SLC7A8: variants seen among roughly 807,000 people sequenced by gnomAD.
SLC7A8 encodes the protein large neutral amino acids transporter small subunit 2.
Under a neutral mutation model 51.2 loss-of-function variants are expected in SLC7A8, and 30 were observed. The observed-to-expected ratio is 0.59, with a 90% confidence interval of 0.44 to 0.80. The LOEUF (loss-of-function observed/expected upper bound fraction) is 0.80. SLC7A8 is among the 30% of genes least tolerant of loss of function. The pLI, the probability that SLC7A8 is intolerant of heterozygous loss-of-function variation, is 0.00. For missense variants in SLC7A8, 612 were observed against 674.4 expected (o/e 0.91, Z 1.03); for synonymous variants, 257 against 275.8 (o/e 0.93, Z 0.67).
intron 7 of SLC7A8, among the ~76,000 whole-genome samples, chr14:23,133,353 A>T (rs2048657995): frequency 6.7e-6 from 1 of 149,422 alleles, no homozygotes. Flanking sequence ...AGGTGACAGG[A>T]TCACATGAGC....
At chr14:23,176,713 G>A (rs757817272) in intron 1 of SLC7A8, among the ~76,000 whole-genome samples, 1 of 152,030 alleles carries the variant, frequency 6.6e-6, no homozygotes, top group Non-Finnish European at 1.5e-5. Context: ...AGGCCAAGGC[G>A]GGCAGATCAC....
intron 7 of SLC7A8, 29 bp downstream of exon 7, chr14:23,137,892 G>A (rs1217372872): frequency 2.5e-6 from 4 of 1,609,124 alleles, no homozygotes; most frequent in Non-Finnish European, 3.4e-6. Flanking sequence ...AGTGGCCCCT[G>A]GCCGGGGAAG....
intron 3 of SLC7A8, among the ~76,000 whole-genome samples, chr14:23,148,991 G>A (rs935430349): frequency 1.3e-5 from 2 of 152,192 alleles, no homozygotes; most frequent in African/African-American, 4.8e-5. Context: ...ACAGCAGCCA[G>A]GCAACACACA....
intron 1 of SLC7A8, among the ~76,000 whole-genome samples, chr14:23,180,674 T>C (rs765627297): frequency 6.6e-6 from 1 of 152,294 alleles, no homozygotes; most frequent in East Asian, 1.9e-4. Flanking sequence ...GACAAATCAG[T>C]AGTAACATAT....
intron 10 of SLC7A8, 121 bp from the exon 11 acceptor site, chr14:23,127,464 C>G (rs551453414): frequency 8.5e-7 from 1 of 1,175,272 alleles, no homozygotes; most frequent in Admixed American, 2.3e-5. Context: ...GCAGTCAGTG[C>G]GTTGAAGAGA....
Position 23,137,948 on chromosome 14 carries a change from A to T in SLC7A8, c.989T>A (p.Val330Asp). The T allele has an allele frequency of 1.2e-6, 2 of 1,613,408 alleles. No homozygotes were observed. Among genetic ancestry groups the T allele is most frequent in the Non-Finnish European group, 1.7e-6 (2 of 1,179,838 alleles). The stretch of plus-strand genomic sequence containing the variant: ...AGAGGAGGTGAAGAGAGACCCATTA[A>T]CTCCTCCAAATGTGGACAGGGCAAC... ...ISVALSTFGG[V>D]NGSLFTSSRL... Residue 330 changes from valine to aspartate, a missense_variant, in exon 7 of 11, where the codon GTT becomes GAT. By Grantham distance (152) the Val-to-Asp change is radical. Transcript: ENST00000316902.
In SLC7A8 at chr14:23,140,540, T is replaced by C. The variant is rs1190049534; in HGVS notation, c.719A>G (p.Gln240Arg). ...CCAGCCTCCATAGGCAAAGGAGCCC[T>C]GAAGGAAAGCCAGTGCGACGAGGCC... ...DIGLVALAFL[Q>R]GSFAYGGWNF... Residue 240 changes from glutamine to arginine, a missense_variant, in exon 5 of 11, where the codon CAG becomes CGG. Transcript: ENST00000316902. The C allele has an allele frequency of 6.2e-7, 1 of 1,614,116 alleles. No homozygotes were observed. The highest frequency in any genetic ancestry group is 2.2e-5 in the East Asian group (1 of 44,886).
chr14:23,170,561 C>T (rs910673044), intron 1 of SLC7A8, among the ~76,000 whole-genome samples: 19 of 151,922 alleles, frequency 1.3e-4, no homozygotes, highest in African/African-American at 4.4e-4. Flanking sequence ...TGGGTTCAAG[C>T]GATTCTCCTG....
At chr14:23,181,351 T>C (rs1024833410) in intron 1 of SLC7A8, among the ~76,000 whole-genome samples, 2 of 147,314 alleles carry the variant, frequency 1.4e-5, no homozygotes, top group Non-Finnish European at 3.0e-5. Context: ...ATTTTTCTTA[T>C]AACATTATCT....
chr14:23,155,159 C>A, intron 3 of SLC7A8: 1 of 1,535,844 alleles, frequency 6.5e-7, no homozygotes, highest in Non-Finnish European at 8.7e-7. Context: ...CATCTCGAAG[C>A]ACTTACAACG....
At position 23,131,538 on chromosome 14, in the gene SLC7A8, G is replaced by A. The variant is rs747036609; in HGVS notation, c.1036C>T (p.Arg346Ter). Residue 346 changes from arginine (R) to a stop codon, truncating the protein, a stop_gained, in exon 8 of 11, where the codon CGA (arginine) becomes TGA (stop). Transcript: ENST00000316902. LOFTEE classifies it high-confidence loss of function. ...TSSRLFFAGA[R>*]EGHLPSVLAM... is the part of the protein sequence containing the mutation. ...AACACACTGGGAAGGTGGCCCTCTC[G>A]GGCTCCAGCGAAGAACAGCCTGTCA... 8 of 1,605,362 alleles carry A rather than the reference G, an allele frequency of 5.0e-6. No individual in the cohort carries two copies. The highest frequency in any genetic ancestry group is 6.8e-6 in the Non-Finnish European group (8 of 1,176,404).
rs552614876 is a variant in SLC7A8, at chr14:23,129,587, A to C, written c.1263+63T>G. 2.5e-6 allele frequency: 4 copies of C among 1,573,536 alleles called. No homozygotes were observed. The East Asian group carries it at 9.0e-5, about 35-fold the overall frequency. ...CAGCTAAGAACAGAGGTGATTTAAA[A>C]ATCTGAACTGCAGCTAGAACCATAG... is the stretch of plus-strand genomic sequence containing the variant. On this transcript the variant is annotated intron_variant, in intron 9 of 10. Transcript: ENST00000316902.
At chr14:23,129,926 A>G in intron 8 of SLC7A8, 127 bp from the exon 9 acceptor site, 1 of 1,027,320 alleles carries the variant, frequency 9.7e-7, no homozygotes, top group Non-Finnish European at 1.4e-6. Context: ...CGAAATGGAG[A>G]CTTTAGAACC....
intron 1 of SLC7A8, among the ~76,000 whole-genome samples, chr14:23,179,771 C>T (rs908933238): frequency 2.2e-4 from 33 of 152,068 alleles, no homozygotes; most frequent in African/African-American, 8.0e-4. Flanking sequence ...GAGCACGCCA[C>T]AGCACTCCAG....
chr14:23,175,584 C>T (rs1055929968), intron 1 of SLC7A8, among the ~76,000 whole-genome samples: 2 of 152,192 alleles, frequency 1.3e-5, no homozygotes, highest in Non-Finnish European at 2.9e-5. Context: ...TCTTACCTGC[C>T]GGGTTCCTAC....
Position 23,128,021 on chromosome 14 carries a change from A to G in SLC7A8, c.1439T>C (p.Ile480Thr), listed in dbSNP as rs769782691. 7.4e-6 allele frequency: 12 copies of G among 1,613,326 alleles called. No individual in the cohort carries two copies. The highest frequency in any genetic ancestry group is 1.7e-5 in the Admixed American group (1 of 59,996). The change falls in exon 10 of 11, where the codon ATT becomes ACT. Residue 480 changes from isoleucine to threonine, a missense_variant and splice_region_variant. By Grantham distance (89) the Ile-to-Thr change is moderately conservative. Transcript: ENST00000316902. This position sits in a 1 kb window ranked among gnomAD's most constrained non-coding sequence, Gnocchi z 4.3. ...QHKPKCFSDF[I>T]ELLTLVSQKM... ...AGCCAGAGCCTCCAACAACTCACCA[A>G]TGAAGTCACTGAAACACTTGGGCTT... is the stretch of plus-strand genomic sequence containing the variant.
chr14:23,147,190 C>T (rs150002164), intron 3 of SLC7A8, among the ~76,000 whole-genome samples: 461 of 152,084 alleles, frequency 3.0e-3, no homozygotes, highest in Non-Finnish European at 5.3e-3. Flanking sequence ...ATCCATCCAT[C>T]CACCCACCCA....
chr14:23,143,183 C>G lies in SLC7A8; in HGVS notation c.530G>C (p.Cys177Ser). 6.2e-7 allele frequency: 1 copy of G among 1,614,220 alleles called. No homozygotes were observed. The highest frequency in any genetic ancestry group is 8.5e-7 in the Non-Finnish European group (1 of 1,180,046). The change falls in exon 4 of 11, where the codon TGT (cysteine) becomes TCT (serine). Residue 177 changes from cysteine to serine, a missense_variant. Physicochemically the swap from Cys to Ser is moderately radical, Grantham distance 112. Coordinates refer to ENST00000316902, the MANE Select transcript of SLC7A8 (RefSeq NM_012244.4). ...CCGGGTGGCCCACCGCACACTGGAA[C>G]AGTTGACCCATGTGAGGAGCACTGA... ...ICLLLLTWVN[C>S]SSVRWATRVQ... is the part of the protein sequence containing the mutation.
chr14:23,181,613 G>A (rs1270860090), intron 1 of SLC7A8, among the ~76,000 whole-genome samples: 2 of 152,248 alleles, frequency 1.3e-5, no homozygotes, highest in Non-Finnish European at 2.9e-5. Flanking sequence ...ATATCTCTGA[G>A]CTATTGCATA....
Sources: allele counts gnomAD v4.1 joint callset (sites outside exome capture counted in the v4.1 genomes callset), GRCh38; gene constraint gnomAD v4.1.1; non-coding constraint Gnocchi (gnomAD v3.1); transcripts MANE v1.5; gene names NCBI Gene and HGNC (gene_info 2026-07-23, HGNC 2026-07-21).